The following TENM2 variants were observed in gnomAD, a reference collection of about 807,000 sequenced individuals.
The protein encoded by TENM2 is teneurin-2.
A neutral mutation model predicts 245.2 loss-of-function variants in TENM2; 52 were observed. The ratio of observed to expected loss-of-function variants is 0.21; its 90% CI spans 0.17 to 0.27. The LOEUF (loss-of-function observed/expected upper bound fraction) is 0.27. Among genes scored for constraint, TENM2 ranks in the 10% least tolerant of loss-of-function variants. The pLI is 1.00. For missense variants in TENM2, 3,046 were observed against 3,666.8 expected (o/e 0.83, Z 4.37); for synonymous variants, 1,363 against 1,438.9 (o/e 0.95, Z 1.19).
the TENM2 span, among the ~76,000 whole-genome samples, chr5:167,180,577 GTA>G: frequency 6.6e-6 from 1 of 152,104 alleles, no homozygotes; most frequent in East Asian, 1.9e-4. Flanking sequence ...GAGAATCTGT[GTA>G]TGACTTTTGA....
At chr5:167,198,151 A>G in the TENM2 span, among the ~76,000 whole-genome samples, 19 of 152,156 alleles carry the variant, frequency 1.2e-4, no homozygotes, top group African/African-American at 4.6e-4. Context: ...GAATGCAGGA[A>G]ACCATAGAAC....
intron 7 of TENM2, among the ~76,000 whole-genome samples, chr5:168,072,742 A>C (rs1791126767): frequency 6.6e-6 from 1 of 152,194 alleles, no homozygotes; most frequent in African/African-American, 2.4e-5. Context: ...GGCTGTTGTA[A>C]GAATAAATGA....
In TENM2 at chr5:167,375,589, C is replaced by G; in HGVS notation, c.502+116C>G. 5 of 1,128,272 alleles carry G rather than the reference C, an allele frequency of 4.4e-6. No homozygotes were observed. In the South Asian group the frequency reaches 7.2e-5, roughly 16 times the overall value. The allele number at this position is 1,128,272 out of a possible 1,614,324, so 69.9% of individuals were successfully genotyped here. ...TAAAACCATTCATTTTCTTTGAAAT[C>G]GACCTTGTCTACCCAGTGTGAGCTG... On this transcript the variant is annotated intron_variant, in intron 2 of 28. Coordinates refer to ENST00000518659, the Ensembl canonical transcript of TENM2.
At chr5:167,362,909 G>A (rs1387469043) in intron 1 of TENM2, among the ~76,000 whole-genome samples, 9 of 151,812 alleles carry the variant, frequency 5.9e-5, no homozygotes, top group Admixed American at 3.9e-4. Context: ...AGCTAATATC[G>A]ATCGACTTAT....
At chr5:167,404,087 A>G (rs1762503640) in intron 2 of TENM2, among the ~76,000 whole-genome samples, 1 of 152,074 alleles carries the variant, frequency 6.6e-6, no homozygotes. Context: ...CTTAACTTTC[A>G]TGAAGAAAAT....
chr5:167,419,768 A>G (rs1474504786), intron 2 of TENM2, among the ~76,000 whole-genome samples: 1 of 152,224 alleles, frequency 6.6e-6, no homozygotes, highest in African/African-American at 2.4e-5. Flanking sequence ...TAAACCAAGA[A>G]TAAATATACT....
At chr5:167,110,757 A>G in the TENM2 span, among the ~76,000 whole-genome samples, 1 of 152,206 alleles carries the variant, frequency 6.6e-6, no homozygotes, top group African/African-American at 2.4e-5. Flanking sequence ...AGCTAAAACT[A>G]TAGTGTTTTA....
intron 2 of TENM2, among the ~76,000 whole-genome samples, chr5:167,500,833 A>G (rs937836442): frequency 2.0e-5 from 3 of 152,130 alleles, no homozygotes; most frequent in Non-Finnish European, 4.4e-5. Flanking sequence ...TAGTTCCTCA[A>G]AGGGAAATTA....
the TENM2 span, among the ~76,000 whole-genome samples, chr5:167,199,239 C>T: frequency 6.6e-6 from 1 of 151,836 alleles, no homozygotes; most frequent in Non-Finnish European, 1.5e-5. Flanking sequence ...TTGAGTTGCT[C>T]TGTGTTTAAA....
intron 2 of TENM2, among the ~76,000 whole-genome samples, chr5:167,395,874 C>G (rs1287861995): frequency 3.9e-5 from 6 of 151,958 alleles, no homozygotes; most frequent in Non-Finnish European, 7.4e-5. Context: ...TCACTAATAG[C>G]CAGAGAAATA....
chr5:168,227,891 C>A lies in TENM2; in HGVS notation c.5285-4C>A. On this transcript the variant is annotated splice_polypyrimidine_tract_variant and splice_region_variant and intron_variant, in intron 24 of 28. Coordinates refer to ENST00000518659, the Ensembl canonical transcript of TENM2. ...TATCCCCACCCCCACTTACATTTTTCCAGATCAAGTTCGGAACAGCTACCA... is the reference window on the plus strand; with the variant it reads ...TATCCCCACCCCCACTTACATTTTTACAGATCAAGTTCGGAACAGCTACCA... The A allele has an allele frequency of 6.3e-7, 1 of 1,577,910 alleles. No homozygotes were observed. Among genetic ancestry groups the A allele is most frequent in the Non-Finnish European group, 8.7e-7 (1 of 1,152,812 alleles).
chr5:167,491,997 A>T (rs2127543505), intron 2 of TENM2, among the ~76,000 whole-genome samples: 1 of 152,288 alleles, frequency 6.6e-6, no homozygotes, highest in Middle Eastern at 3.4e-3. Flanking sequence ...GGAAAGAGGA[A>T]CGCTTTTTCA....
intron 8 of TENM2, among the ~76,000 whole-genome samples, chr5:168,097,594 G>A (rs1793473272): frequency 1.9e-5 from 1 of 51,826 alleles, no homozygotes; most frequent in Non-Finnish European, 3.5e-5. Flanking sequence ...CCAGCTAATT[G>A]TGTGTGTGCG....
intron 2 of TENM2, among the ~76,000 whole-genome samples, chr5:167,639,209 G>C (rs1046144442): frequency 1.3e-5 from 2 of 152,132 alleles, no homozygotes; most frequent in Non-Finnish European, 2.9e-5. Flanking sequence ...AAGTATCAAT[G>C]GTGAAGACAC....
the TENM2 span, among the ~76,000 whole-genome samples, chr5:166,991,250 G>T: frequency 6.6e-6 from 1 of 151,334 alleles, no homozygotes; most frequent in Non-Finnish European, 1.5e-5. Flanking sequence ...CTCAAAGTAG[G>T]GGATGAAAAA....
the TENM2 span, among the ~76,000 whole-genome samples, chr5:167,041,149 GTGACATACAGTGT>G: frequency 6.6e-6 from 1 of 152,218 alleles, no homozygotes; most frequent in Non-Finnish European, 1.5e-5. Flanking sequence ...CATTCAAGTT[GTGACATACAGTGT>G]TTACTGAATC....
chr5:167,629,455 A>T (rs1331883499), intron 2 of TENM2, among the ~76,000 whole-genome samples: 2 of 152,184 alleles, frequency 1.3e-5, no homozygotes, highest in Admixed American at 1.3e-4. Flanking sequence ...TGTACACTTA[A>T]ATCTCATGCA....
intron 7 of TENM2, chr5:168,085,605 C>T (rs1261401125): frequency 6.6e-6 from 1 of 152,316 alleles, no homozygotes; most frequent in East Asian, 1.9e-4. Flanking sequence ...GCTGTCATTC[C>T]TCCCCCTTCC....
At chr5:167,688,075 A>G (rs1035779852) in intron 2 of TENM2, among the ~76,000 whole-genome samples, 1 of 152,062 alleles carries the variant, frequency 6.6e-6, no homozygotes, top group Non-Finnish European at 1.5e-5. Flanking sequence ...ATCATTCTTG[A>G]TTTATGGAGA....
Sources: allele counts gnomAD v4.1 joint callset (sites outside exome capture counted in the v4.1 genomes callset), GRCh38; gene constraint gnomAD v4.1.1; transcripts MANE v1.5; gene names NCBI Gene and HGNC (gene_info 2026-07-23, HGNC 2026-07-21).